Variants in MPZL1 observed in about 807,000 individuals in gnomAD.
The protein encoded by MPZL1 is myelin protein zero like 1, also known as myelin protein zero-like protein 1.
MPZL1 carries 16 observed loss-of-function variants against 29.3 expected under a neutral mutation model. The ratio of observed to expected loss-of-function variants is 0.55; its 90% CI spans 0.37 to 0.83. The LOEUF is 0.83. Among genes scored for constraint, MPZL1 ranks in the 40% least tolerant of loss-of-function variants. MPZL1 has a pLI of 0.00. For synonymous variants in MPZL1, 143 were observed against 132.0 expected, an observed-to-expected ratio of 1.08 and a Z score of -0.57; for missense variants, 279 against 332.9, an observed-to-expected ratio of 0.84 and a Z score of 1.26.
At position 167,736,759 on chromosome 1, in the gene MPZL1, C is replaced by T. The variant is rs75922598; in HGVS notation, c.91+14517C>T. 1.8e-3 allele frequency among the ~76,000 whole-genome samples: 280 copies of T among 152,232 alleles called. 1 individual carries two copies. The highest frequency in any genetic ancestry group is 2.0e-3 in the Non-Finnish European group (138 of 68,018). Reference sequence around the variant, plus strand: ...TGCAAGAGGCTTGAGACTCCTAGATCGTCTCTCTAATGGTAGTCATCTTCC... The same window carrying T: ...TGCAAGAGGCTTGAGACTCCTAGATTGTCTCTCTAATGGTAGTCATCTTCC... On this transcript the variant is annotated intron_variant, in intron 1 of 5. Coordinates refer to ENST00000359523, the MANE Select transcript of MPZL1 (RefSeq NM_003953.6).
chr1:167,735,411 C>T (rs1283390762), intron 1 of MPZL1, among the ~76,000 whole-genome samples: 1 of 152,166 alleles, frequency 6.6e-6, no homozygotes, highest in Non-Finnish European at 1.5e-5. Flanking sequence ...TCAGAGAACT[C>T]ATCCTTAAGA....
Position 167,737,564 on chromosome 1 carries a change from G to A in MPZL1, c.91+15322G>A, listed in dbSNP as rs149529514. Among the ~76,000 whole-genome samples, 59 of 152,324 alleles carry A rather than the reference G, an allele frequency of 3.9e-4. No homozygotes were observed. The East Asian group carries it at 7.7e-3, about 20-fold the overall frequency. ...TGTTAGTACATTCTCTCCCTGTGCT[G>A]AGATAGATTGTTCTCACAAGATTGC... On this transcript the variant is annotated intron_variant, in intron 1 of 5. Coordinates refer to ENST00000359523, the MANE Select transcript of MPZL1 (RefSeq NM_003953.6).
intron 1 of MPZL1, among the ~76,000 whole-genome samples, 186 bp downstream of exon 1, chr1:167,722,428 G>A (rs988879599): frequency 1.3e-5 from 2 of 152,238 alleles, no homozygotes; most frequent in African/African-American, 4.8e-5. Flanking sequence ...CGACTGGCCG[G>A]GAAGGCGCAG....
In MPZL1 at chr1:167,776,144, G is replaced by A. The variant is rs1661362260; in HGVS notation, c.686G>A (p.Ser229Asn). The change falls in exon 5 of 6, where the codon AGT (serine) becomes AAT (asparagine). Residue 229 changes from serine to asparagine, a missense_variant. Transcript: ENST00000359523. ...SPSDTEGLVK[S>N]LPSGSHQGPV... is the part of the protein sequence containing the mutation. ...TCCGACACTGAGGGTCTTGTAAAGA[G>A]TCTGCCTTCTGGATCTCACCAGGTA... 1 of 1,612,512 alleles carries A rather than the reference G, an allele frequency of 6.2e-7. No homozygotes were observed. The highest frequency in any genetic ancestry group is 8.5e-7 in the Non-Finnish European group (1 of 1,179,154).
chr1:167,739,286 T>TATATATATAC (rs1660458612), intron 1 of MPZL1, among the ~76,000 whole-genome samples: 15 of 108,288 alleles, frequency 1.4e-4, no homozygotes, highest in African/African-American at 8.2e-4. Context: ...TATATACATA[T>TATATATATAC]ATATATATAT....
chr1:167,784,580 CAT>C, intron 5 of MPZL1, among the ~76,000 whole-genome samples: 1 of 152,282 alleles, frequency 6.6e-6, no homozygotes, highest in Middle Eastern at 3.4e-3. Context: ...AGGCATGTTC[CAT>C]AGAGACTCAG....
intron 1 of MPZL1, among the ~76,000 whole-genome samples, chr1:167,738,418 G>C (rs4657704): frequency 1.3e-5 from 2 of 151,974 alleles, no homozygotes; most frequent in Non-Finnish European, 2.9e-5. Flanking sequence ...TAAGATGTCC[G>C]TGTAACTACT....
At chr1:167,765,510 T>C in intron 1 of MPZL1, 73 bp from the exon 2 acceptor site, 1 of 1,344,502 alleles carries the variant, frequency 7.4e-7, no homozygotes, top group African/African-American at 1.5e-5. Flanking sequence ...GTATCTTTTC[T>C]TGTCTGGCAA....
intron 1 of MPZL1, among the ~76,000 whole-genome samples, chr1:167,748,620 G>A (rs1416820764): frequency 6.6e-6 from 1 of 151,774 alleles, no homozygotes; most frequent in African/African-American, 2.4e-5. Context: ...TTTAAATTTT[G>A]GGTAAGTCCA....
At position 167,776,103 on chromosome 1, in the gene MPZL1, T is replaced by C. The variant is rs771756246; in HGVS notation, c.645T>C (p.Ala215=). ...AGAGTTTGTCACCAGTTAAGCAGGC[T>C]CCTCGGAAGTCCCCCTCCGACACTG... ...TSESLSPVKQ[A]PRKSPSDTEG... Residue 215 remains alanine, a synonymous_variant, in exon 5 of 6, where the codon GCT becomes GCC. Coordinates refer to ENST00000359523, the MANE Select transcript of MPZL1 (RefSeq NM_003953.6). 1 of 1,612,518 alleles carries C rather than the reference T, an allele frequency of 6.2e-7. No individual in the cohort carries two copies. The highest frequency in any genetic ancestry group is 8.5e-7 in the Non-Finnish European group (1 of 1,179,108).
chr1:167,769,781 A>C (rs1321763884), intron 2 of MPZL1, among the ~76,000 whole-genome samples: 1 of 152,206 alleles, frequency 6.6e-6, no homozygotes, highest in Non-Finnish European at 1.5e-5. Flanking sequence ...GGCATTGTGG[A>C]AGATGATGAG....
intron 5 of MPZL1, among the ~76,000 whole-genome samples, chr1:167,784,643 T>C (rs921881173): frequency 1.3e-5 from 2 of 152,210 alleles, no homozygotes; most frequent in Non-Finnish European, 2.9e-5. Context: ...ATAGAGGTGT[T>C]CTAGATTGAG....
At chr1:167,756,187 C>G (rs1018886651) in intron 1 of MPZL1, among the ~76,000 whole-genome samples, 2 of 151,828 alleles carry the variant, frequency 1.3e-5, no homozygotes, top group Non-Finnish European at 2.9e-5. Context: ...CTCACTCTGT[C>G]ACACAGGCTG....
At chr1:167,772,571 G>A in intron 3 of MPZL1, 83 bp downstream of exon 3, 20 of 1,338,018 alleles carry the variant, frequency 1.5e-5, no homozygotes, top group Non-Finnish European at 2.0e-5. Flanking sequence ...GCATTTCATG[G>A]TGGGTTTGGA....
chr1:167,776,052 C>T lies in MPZL1; in HGVS notation c.606-12C>T. 2 of 1,548,108 alleles carry T rather than the reference C, an allele frequency of 1.3e-6. No homozygotes were observed. The highest frequency in any genetic ancestry group is 1.3e-5 in the South Asian group (1 of 79,120). On this transcript the variant is annotated splice_polypyrimidine_tract_variant and intron_variant, in intron 4 of 5. Transcript: ENST00000359523. ...TTTTTTACATTTGTTCTTCAAATTG[C>T]CAATTCATCAGCTGCAGTACATCAG...
At chr1:167,738,187 G>A (rs942139388) in intron 1 of MPZL1, among the ~76,000 whole-genome samples, 3 of 152,144 alleles carry the variant, frequency 2.0e-5, no homozygotes, top group Non-Finnish European at 4.4e-5. Context: ...GCCTCCCAAA[G>A]TGCTAGGATT....
Position 167,778,552 on chromosome 1 carries a change from GGA to G in MPZL1, c.708+2387_708+2388del, listed in dbSNP as rs1229968395. ...TGGATGGATGGATGGATGGATGGAT[GGA>G]TGGATGGATGGATAGATTTAAAAAA... On this transcript the variant is annotated intron_variant, in intron 5 of 5. Coordinates refer to ENST00000359523, the MANE Select transcript of MPZL1 (RefSeq NM_003953.6). Among the ~76,000 whole-genome samples the G allele has an allele frequency of 3.8e-4, 58 of 151,486 alleles. 1 individual carries two copies. The East Asian group carries it at 8.3e-3, about 22-fold the overall frequency.
At position 167,765,645 on chromosome 1, in the gene MPZL1, A is replaced by C. The variant is rs1294344966; in HGVS notation, c.154A>C (p.Thr52Pro). The part of the protein sequence containing the change: ...TPKEIFVANG[T>P]QGKLTCKFKS... ...AAAAGAAATCTTCGTGGCAAATGGT[A>C]CACAAGGGAAGCTGACCTGCAAGTT... is the stretch of plus-strand genomic sequence containing the variant. The change falls in exon 2 of 6, where the codon ACA (threonine) becomes CCA (proline). Residue 52 changes from threonine to proline, a missense_variant. Coordinates refer to ENST00000359523, the MANE Select transcript of MPZL1 (RefSeq NM_003953.6). The C allele has an allele frequency of 6.2e-7, 1 of 1,613,548 alleles. No homozygotes were observed.
chr1:167,764,529 T>G (rs547405911), intron 1 of MPZL1, among the ~76,000 whole-genome samples: 2 of 152,344 alleles, frequency 1.3e-5, no homozygotes, highest in African/African-American at 4.8e-5. Context: ...TTTTCTTCCT[T>G]AAGTTCTTTA....
Sources: gnomAD v4.1 joint callset for allele counts (sites outside exome capture counted in the v4.1 genomes callset) on GRCh38, gnomAD v4.1.1 for gene constraint, MANE v1.5 for transcripts, NCBI Gene and HGNC (gene_info 2026-07-23, HGNC 2026-07-21) for gene names.